The following FAR2 variants were observed in gnomAD, a reference collection of about 807,000 sequenced individuals.
FAR2 encodes the protein epididymis secretory protein Li 81.
Under a neutral mutation model 56.0 loss-of-function variants are expected in FAR2, and 19 were observed. That is an observed-to-expected ratio of 0.34 (90% CI 0.24 to 0.50). The LOEUF (loss-of-function observed/expected upper bound fraction) is 0.50, where lower values mean the gene tolerates loss of function less well. Among genes scored for constraint, FAR2 ranks in the 20% least tolerant of loss-of-function variants. The pLI, the probability that FAR2 is intolerant of heterozygous loss-of-function variation, is 0.98. For missense variants in FAR2, 508 were observed against 642.2 expected, an observed-to-expected ratio of 0.79 and a Z score of 2.26; for synonymous variants, 219 against 218.8, an observed-to-expected ratio of 1.00 and a Z score of -0.01.
intron 4 of FAR2, among the ~76,000 whole-genome samples, chr12:29,297,749 T>TA (rs1331416233): frequency 2.0e-5 from 3 of 152,046 alleles, no homozygotes; most frequent in Non-Finnish European, 2.9e-5. Context: ...AAATAATTCA[T>TA]AAAAAAGAAC....
intron 1 of FAR2, among the ~76,000 whole-genome samples, chr12:29,187,183 A>G (rs1459542464): frequency 1.3e-5 from 2 of 152,118 alleles, no homozygotes; most frequent in African/African-American, 2.4e-5. Flanking sequence ...CCAGCTAATA[A>G]AGTATTTATG....
intron 1 of FAR2, among the ~76,000 whole-genome samples, chr12:29,204,084 C>G (rs1293100106): frequency 6.6e-6 from 1 of 150,808 alleles, no homozygotes; most frequent in Non-Finnish European, 1.5e-5. Context: ...TAAAACCCAG[C>G]ATGATTTTGT....
intron 9 of FAR2, among the ~76,000 whole-genome samples, chr12:29,320,037 A>C (rs1260248336): frequency 1.3e-5 from 2 of 152,152 alleles, no homozygotes; most frequent in Non-Finnish European, 2.9e-5. Flanking sequence ...CCCCATCACT[A>C]CAAAAATAAA....
chr12:29,270,778 G>A, intron 2 of FAR2, 140 bp downstream of exon 2: 1 of 636,482 alleles, frequency 1.6e-6, no homozygotes, highest in South Asian at 4.8e-5. Flanking sequence ...AAACAAGACA[G>A]CAACAAGCTG....
chr12:29,303,997 C>G (rs1949217334), intron 4 of FAR2, among the ~76,000 whole-genome samples: 1 of 152,196 alleles, frequency 6.6e-6, no homozygotes, highest in African/African-American at 2.4e-5. Flanking sequence ...GAGGCCAATT[C>G]TCCATAAGCA....
chr12:29,201,222 C>G (rs1947407520), intron 1 of FAR2, among the ~76,000 whole-genome samples: 1 of 152,150 alleles, frequency 6.6e-6, no homozygotes, highest in East Asian at 1.9e-4. Context: ...ACAGATGCTG[C>G]CATTATTTGC....
At chr12:29,251,658 G>A (rs1266126429) in intron 1 of FAR2, among the ~76,000 whole-genome samples, 1 of 152,186 alleles carries the variant, frequency 6.6e-6, no homozygotes, top group Non-Finnish European at 1.5e-5. Flanking sequence ...CTTGTGGAGT[G>A]AGGGCATTAT....
At chr12:29,233,177 C>A (rs1003423777) in intron 1 of FAR2, among the ~76,000 whole-genome samples, 2 of 152,050 alleles carry the variant, frequency 1.3e-5, no homozygotes, top group African/African-American at 4.8e-5. Context: ...TTCTTGCTAC[C>A]GTCCCTATTT....
intron 1 of FAR2, among the ~76,000 whole-genome samples, chr12:29,251,603 A>G (rs1432743864): frequency 2.6e-5 from 4 of 152,188 alleles, no homozygotes; most frequent in Non-Finnish European, 5.9e-5. Context: ...ATAACTGGAA[A>G]AGATATCCTG....
intron 3 of FAR2, 31 bp from the exon 4 acceptor site, chr12:29,296,990 A>C (rs1364389872): frequency 6.4e-7 from 1 of 1,555,176 alleles, no homozygotes; most frequent in Admixed American, 2.0e-5. Context: ...GACTTACTTC[A>C]TTGTATTTCC....
chr12:29,267,146 T>C (rs908943973), intron 1 of FAR2, among the ~76,000 whole-genome samples: 1 of 152,210 alleles, frequency 6.6e-6, no homozygotes, highest in South Asian at 2.1e-4. Flanking sequence ...TACTTGGCTG[T>C]TATGATTTAT....
intron 1 of FAR2, among the ~76,000 whole-genome samples, chr12:29,259,319 CAG>C (rs1948378321): frequency 6.6e-6 from 1 of 152,126 alleles, no homozygotes; most frequent in Non-Finnish European, 1.5e-5. Flanking sequence ...ACCTTCACAA[CAG>C]AGAATGATCT....
At chr12:29,215,074 G>A (rs940024178) in intron 1 of FAR2, among the ~76,000 whole-genome samples, 1 of 152,144 alleles carries the variant, frequency 6.6e-6, no homozygotes, top group African/African-American at 2.4e-5. Flanking sequence ...AGAAATGACT[G>A]TGGCATGTTC....
intron 1 of FAR2, among the ~76,000 whole-genome samples, chr12:29,209,804 C>A (rs1320693892): frequency 6.6e-6 from 1 of 152,028 alleles, no homozygotes; most frequent in Non-Finnish European, 1.5e-5. Flanking sequence ...TTAATTTCAG[C>A]CCTGCCTCAC....
chr12:29,270,415 C>A lies in FAR2; in HGVS notation c.-35C>A. The A allele has an allele frequency of 1.4e-6, 2 of 1,479,414 alleles. 1 individual carries two copies. Among genetic ancestry groups the A allele is most frequent in the South Asian group, 2.9e-5 (2 of 69,930 alleles). 91.6% of individuals were successfully genotyped at this position (1,479,414 alleles called of 1,614,324 possible). On this transcript the variant is annotated 5_prime_UTR_variant, in exon 2 of 12. Coordinates refer to ENST00000536681, the MANE Select transcript of FAR2 (RefSeq NM_001271783.2). Reference sequence around the variant, plus strand: ...TGTTATTTCTCTTCCTTTTCAGGAACCTCTTTCAGGAGCTATAAAAGAAAG... The same window carrying A: ...TGTTATTTCTCTTCCTTTTCAGGAAACTCTTTCAGGAGCTATAAAAGAAAG...
chr12:29,324,589 G>A (rs1332144624), intron 10 of FAR2, among the ~76,000 whole-genome samples: 7 of 152,204 alleles, frequency 4.6e-5, no homozygotes, highest in Admixed American at 2.6e-4. Context: ...AGTGGGGGCC[G>A]ACATTCAACA....
chr12:29,274,190 C>G (rs1379971505), intron 2 of FAR2, among the ~76,000 whole-genome samples: 3 of 104,972 alleles, frequency 2.9e-5, no homozygotes, highest in Non-Finnish European at 3.8e-5. Flanking sequence ...CTATCCCTCC[C>G]CCCTCCCCCC....
intron 4 of FAR2, among the ~76,000 whole-genome samples, chr12:29,303,845 A>T (rs543944751): frequency 3.3e-5 from 5 of 152,364 alleles, no homozygotes; most frequent in African/African-American, 1.2e-4. Context: ...AGCAGGCTTT[A>T]AATTACAAAC....
intron 1 of FAR2, among the ~76,000 whole-genome samples, chr12:29,178,971 G>A (rs753207575): frequency 5.3e-5 from 8 of 152,112 alleles, no homozygotes; most frequent in Non-Finnish European, 7.4e-5. Context: ...TCGGGAAGGA[G>A]CTGTTCCTGG....
Sources: gnomAD v4.1 joint callset for allele counts (sites outside exome capture counted in the v4.1 genomes callset) on GRCh38, gnomAD v4.1.1 for gene constraint, MANE v1.5 for transcripts, NCBI Gene and HGNC (gene_info 2026-07-23, HGNC 2026-07-21) for gene names.